The following KCNMB2 variants were observed in gnomAD, a reference collection of about 807,000 sequenced individuals.
The protein encoded by KCNMB2 is potassium calcium-activated channel subfamily M regulatory beta subunit 2.
KCNMB2 carries 9 observed loss-of-function variants against 24.5 expected under a neutral mutation model. The observed-to-expected ratio is 0.37, with a 90% CI of 0.22 to 0.64. The LOEUF (loss-of-function observed/expected upper bound fraction) is 0.64. KCNMB2 is among the 30% of genes least tolerant of loss of function. The pLI is 0.63. For synonymous variants in KCNMB2, 109 were observed against 104.4 expected (o/e 1.04, Z -0.27); for missense variants, 226 against 284.3 (o/e 0.79, Z 1.47).
chr3:178,701,428 T>C (rs972201558), intron 1 of KCNMB2, among the ~76,000 whole-genome samples: 5 of 152,240 alleles, frequency 3.3e-5, no homozygotes, highest in Admixed American at 1.3e-4. Flanking sequence ...TAGGATTGAC[T>C]TGGCAATGAG....
At chr3:178,582,440 C>G (rs1482643885) in intron 1 of KCNMB2, among the ~76,000 whole-genome samples, 1 of 152,078 alleles carries the variant, frequency 6.6e-6, no homozygotes, top group Non-Finnish European at 1.5e-5. Context: ...AGCAAACCAC[C>G]ATGGCACACA....
intron 1 of KCNMB2, among the ~76,000 whole-genome samples, chr3:178,759,756 ATATATATATATCCAAGAGGATATATC>A (rs1560009620): frequency 0.023 from 765 of 33,908 alleles, 88 homozygotes; most frequent in Non-Finnish European, 0.025. Context: ...GGATATATCT[ATATATATATATCCAAGAGGATATATC>A]TATATATATA....
intron 1 of KCNMB2, among the ~76,000 whole-genome samples, chr3:178,761,814 A>G (rs1711898693): frequency 4.6e-5 from 7 of 152,206 alleles, no homozygotes; most frequent in Admixed American, 4.6e-4. Context: ...AAGGAGATAC[A>G]CAATAAACAA....
chr3:178,818,087 C>T (rs1334453350), intron 2 of KCNMB2, among the ~76,000 whole-genome samples: 1 of 152,152 alleles, frequency 6.6e-6, no homozygotes, highest in Non-Finnish European at 1.5e-5. Flanking sequence ...CCTGCATCCA[C>T]CAGGTGCCCC....
At chr3:178,799,974 T>C (rs1411631985) in intron 1 of KCNMB2, among the ~76,000 whole-genome samples, 1 of 152,134 alleles carries the variant, frequency 6.6e-6, no homozygotes, top group African/African-American at 2.4e-5. Flanking sequence ...TAAATATCTA[T>C]ATGCTGAAGA....
intron 1 of KCNMB2, among the ~76,000 whole-genome samples, chr3:178,726,218 CT>C (rs1722963747): frequency 6.6e-6 from 1 of 151,910 alleles, no homozygotes; most frequent in Non-Finnish European, 1.5e-5. Flanking sequence ...GTTCCTTTAT[CT>C]TCCCCCTTTA....
intron 1 of KCNMB2, among the ~76,000 whole-genome samples, chr3:178,598,849 C>T (rs1261260929): frequency 6.6e-6 from 1 of 152,088 alleles, no homozygotes; most frequent in Non-Finnish European, 1.5e-5. Flanking sequence ...CTAAGTCAGT[C>T]GTTCTTCATT....
In KCNMB2 at chr3:178,760,397, T is replaced by C. The variant is rs1429426110; in HGVS notation, c.-67-46946T>C. On this transcript the variant is annotated intron_variant, in intron 1 of 4. Transcript: ENST00000452583. ...TATATATATTATATATATATCCATA[T>C]CCAAGATATATATATTATATATATA... Among the ~76,000 whole-genome samples, 3 of 136,150 alleles carry C rather than the reference T, an allele frequency of 2.2e-5. 1 individual carries two copies. Among genetic ancestry groups the C allele is most frequent in the African/African-American group, 5.6e-5 (2 of 35,484 alleles). 89.3% of individuals were successfully genotyped at this position (136,150 alleles called of 152,430 possible). A position where few individuals can be genotyped will look rare whatever the true frequency, so the allele number is the denominator to read the frequency against.
chr3:178,830,450 C>T (rs1303550047), intron 4 of KCNMB2, among the ~76,000 whole-genome samples: 1 of 152,130 alleles, frequency 6.6e-6, no homozygotes, highest in Admixed American at 6.5e-5. Flanking sequence ...CACAAGCACA[C>T]ACACTTCCAT....
intron 1 of KCNMB2, among the ~76,000 whole-genome samples, chr3:178,639,744 T>C (rs1719654385): frequency 6.6e-6 from 1 of 152,032 alleles, no homozygotes; most frequent in Admixed American, 6.6e-5. Flanking sequence ...CTCTTGGAAA[T>C]TTTTTTAAAA....
chr3:178,781,530 T>C (rs1340708660), intron 1 of KCNMB2, among the ~76,000 whole-genome samples: 1 of 152,068 alleles, frequency 6.6e-6, no homozygotes, highest in Non-Finnish European at 1.5e-5. Flanking sequence ...AGACAGAGGT[T>C]GCAGTAAGCC....
chr3:178,656,687 C>T (rs947008829), intron 1 of KCNMB2, among the ~76,000 whole-genome samples: 2 of 151,998 alleles, frequency 1.3e-5, no homozygotes, highest in Non-Finnish European at 2.9e-5. Flanking sequence ...GCAGGAGAAT[C>T]GCTTGAACCG....
At chr3:178,581,135 A>G (rs1389592905) in intron 1 of KCNMB2, among the ~76,000 whole-genome samples, 1 of 152,198 alleles carries the variant, frequency 6.6e-6, no homozygotes, top group Non-Finnish European at 1.5e-5. Flanking sequence ...GGCTACAGTA[A>G]ACAAAACAGC....
rs145890971 is a variant in KCNMB2, at chr3:178,613,339, G to A, written c.-68+76628G>A. On this transcript the variant is annotated intron_variant, in intron 1 of 4. Transcript: ENST00000452583. ...CTTGACCCAGGAGGCAGAGGTTGCCGTGAGCCAAGATTGTGCCACTGTCCT... is the reference window on the plus strand; with the variant it reads ...CTTGACCCAGGAGGCAGAGGTTGCCATGAGCCAAGATTGTGCCACTGTCCT... Among the ~76,000 whole-genome samples the A allele has an allele frequency of 9.2e-5, 14 of 152,342 alleles. No individual in the cohort carries two copies. The East Asian group carries it at 9.6e-4, about 10-fold the overall frequency.
chr3:178,790,148 A>G (rs375220861), intron 1 of KCNMB2, among the ~76,000 whole-genome samples: 1 of 151,996 alleles, frequency 6.6e-6, no homozygotes, highest in African/African-American at 2.4e-5. Flanking sequence ...ATTTCTAGAT[A>G]CACTGTGGGC....
At chr3:178,623,764 T>C (rs755501543) in intron 1 of KCNMB2, among the ~76,000 whole-genome samples, 6 of 152,232 alleles carry the variant, frequency 3.9e-5, no homozygotes, top group Non-Finnish European at 8.8e-5. Context: ...ACATGCCCTG[T>C]AGATATCTAC....
In KCNMB2 at chr3:178,562,990, C is replaced by T. The variant is rs558560670; in HGVS notation, c.-68+26279C>T. ...AATAGATATTGTGTCAAGCAAAACA[C>T]ATCTGTGAGCCAGAATCTCTGAGTC... is the stretch of plus-strand genomic sequence containing the variant. On this transcript the variant is annotated intron_variant, in intron 1 of 4. Coordinates refer to ENST00000452583, the MANE Select transcript of KCNMB2 (RefSeq NM_181361.3). Among the ~76,000 whole-genome samples, 3 of 152,350 alleles carry T rather than the reference C, an allele frequency of 2.0e-5. No individual in the cohort carries two copies. In the East Asian group the frequency reaches 5.8e-4, roughly 29 times the overall value.
At chr3:178,782,991 G>C (rs1342350796) in intron 1 of KCNMB2, among the ~76,000 whole-genome samples, 1 of 148,106 alleles carries the variant, frequency 6.8e-6, no homozygotes, top group African/African-American at 2.4e-5. Flanking sequence ...AAGGGATCCA[G>C]TTTCAGTTTT....
chr3:178,769,392 T>C (rs1261475745), intron 1 of KCNMB2, among the ~76,000 whole-genome samples: 1 of 152,130 alleles, frequency 6.6e-6, no homozygotes, highest in Non-Finnish European at 1.5e-5. Context: ...AACCCTCTGC[T>C]GGGGTGGGGT....
Sources: gnomAD v4.1 joint callset for allele counts (sites outside exome capture counted in the v4.1 genomes callset) on GRCh38, gnomAD v4.1.1 for gene constraint, MANE v1.5 for transcripts, NCBI Gene and HGNC (gene_info 2026-07-23, HGNC 2026-07-21) for gene names.